Variants in KIAA1217 observed in about 807,000 individuals in gnomAD.
KIAA1217 encodes the protein KIAA1217.
A neutral mutation model predicts 163.9 loss-of-function variants in KIAA1217; 88 were observed. The ratio of observed to expected loss-of-function variants is 0.54; its 90% CI spans 0.45 to 0.64. The LOEUF is 0.64. Ranked by LOEUF, KIAA1217 falls within the 30% of genes least tolerant of loss-of-function variation. The pLI, the probability that KIAA1217 is intolerant of heterozygous loss-of-function variation, is 0.00. For missense variants in KIAA1217, 2,372 were observed against 2,475.0 expected (o/e 0.96, Z 0.88); for synonymous variants, 903 against 923.1 (o/e 0.98, Z 0.39).
chr10:24,206,869 G>C (rs1271223402), upstream of KIAA1217, among the ~76,000 whole-genome samples: 5 of 152,142 alleles, frequency 3.3e-5, no homozygotes, highest in Non-Finnish European at 4.4e-5. Flanking sequence ...GCTGACCAAG[G>C]GGGTTCCTTG....
intron 2 of KIAA1217, among the ~76,000 whole-genome samples, chr10:24,313,986 C>T (rs1178056056): frequency 6.6e-6 from 1 of 151,704 alleles, no homozygotes; most frequent in Non-Finnish European, 1.5e-5. Flanking sequence ...ATTACCAGTG[C>T]CCACCACCGC....
chr10:23,722,805 C>T (rs560846576), intron 1 of KIAA1217, among the ~76,000 whole-genome samples: 4 of 152,164 alleles, frequency 2.6e-5, no homozygotes, highest in Non-Finnish European at 5.9e-5. Context: ...CTTTGGACTG[C>T]ATGTAACAGA....
intron 1 of KIAA1217, among the ~76,000 whole-genome samples, chr10:23,958,024 G>A (rs1225678947): frequency 6.6e-6 from 1 of 152,158 alleles, no homozygotes; most frequent in Non-Finnish European, 1.5e-5. Flanking sequence ...AATATTTGCA[G>A]GTAACCTCAC....
chr10:23,982,764 A>C (rs1486607435), intron 1 of KIAA1217, among the ~76,000 whole-genome samples: 1 of 151,930 alleles, frequency 6.6e-6, no homozygotes, highest in Non-Finnish European at 1.5e-5. Context: ...GGGTTTCAGC[A>C]GGTTGGCCAG....
At chr10:23,720,220 T>C (rs989245068) in intron 1 of KIAA1217, among the ~76,000 whole-genome samples, 2 of 152,124 alleles carry the variant, frequency 1.3e-5, no homozygotes, top group Non-Finnish European at 2.9e-5. Flanking sequence ...AAATAAGTGT[T>C]TGCCTCCAGG....
At chr10:24,155,070 A>C (rs1207070541) in intron 2 of KIAA1217, among the ~76,000 whole-genome samples, 1 of 152,228 alleles carries the variant, frequency 6.6e-6, no homozygotes, top group Non-Finnish European at 1.5e-5. Flanking sequence ...CGATGGTTGC[A>C]GATGAGTGTG....
chr10:23,716,286 A>G (rs1837564613), intron 1 of KIAA1217, among the ~76,000 whole-genome samples: 1 of 152,196 alleles, frequency 6.6e-6, no homozygotes, highest in Non-Finnish European at 1.5e-5. Flanking sequence ...TCTGATTTAC[A>G]TATAGGGCTT....
chr10:23,844,706 TC>T, intron 1 of KIAA1217, among the ~76,000 whole-genome samples: 1 of 151,972 alleles, frequency 6.6e-6, no homozygotes, highest in Admixed American at 6.6e-5. Flanking sequence ...TCTTTTCTTT[TC>T]TTTTTTTTTT....
chr10:23,726,703 G>GA (rs1399582630), intron 1 of KIAA1217, among the ~76,000 whole-genome samples: 8 of 151,896 alleles, frequency 5.3e-5, no homozygotes, highest in African/African-American at 1.9e-4. Context: ...AAATTTACAA[G>GA]AAAAAAACAA....
chr10:24,539,198 T>C lies in KIAA1217; in HGVS notation c.3534+2305T>C, dbSNP rs370172343. 5.3e-5 allele frequency among the ~76,000 whole-genome samples: 8 copies of C among 152,152 alleles called. No homozygotes were observed. In the East Asian group the frequency reaches 1.6e-3, roughly 30 times the overall value. On this transcript the variant is annotated intron_variant, in intron 17 of 20. Transcript: ENST00000376454. ...TTCTCAAAGATCCCTCTGGAGACCA[T>C]TATTGTCTCATTGTAGAATTTTTCT...
At position 24,187,527 on chromosome 10, in the gene KIAA1217, T is replaced by G. The variant is rs780271209; in HGVS notation, c.-170-32099T>G. ...AAAGAGAACCAGTACACTTGAAGAT[T>G]CATCATGCAGTCCTGAGGGGGTGGG... On this transcript the variant is annotated intron_variant, in intron 2 of 18. Transcript: ENST00000376462. Among the ~76,000 whole-genome samples the G allele has an allele frequency of 7.8e-4, 119 of 152,324 alleles. 1 individual carries two copies. The highest frequency in any genetic ancestry group is 1.4e-3 in the Non-Finnish European group (93 of 68,034).
At chr10:24,482,185 G>A (rs1412377335) in intron 6 of KIAA1217, 1 of 152,168 alleles carries the variant, frequency 6.6e-6, no homozygotes, top group African/African-American at 2.4e-5. Context: ...CAGCCACAAG[G>A]TCTGTGTGCT....
chr10:24,410,538 A>G (rs1367896802), intron 3 of KIAA1217, among the ~76,000 whole-genome samples: 2 of 152,188 alleles, frequency 1.3e-5, no homozygotes, highest in Admixed American at 6.5e-5. Flanking sequence ...ATACCCATTT[A>G]CAATAACATT....
chr10:24,115,046 A>C (rs1325407694), intron 2 of KIAA1217, among the ~76,000 whole-genome samples: 1 of 152,024 alleles, frequency 6.6e-6, no homozygotes, highest in African/African-American at 2.4e-5. Flanking sequence ...TAAAATCCCC[A>C]CCTCAGCCCA....
At chr10:23,840,243 C>T (rs2131064870) in intron 1 of KIAA1217, among the ~76,000 whole-genome samples, 1 of 152,014 alleles carries the variant, frequency 6.6e-6, no homozygotes, top group East Asian at 1.9e-4. Context: ...GCAACCTCTA[C>T]CTCCCAGGTT....
intron 1 of KIAA1217, among the ~76,000 whole-genome samples, chr10:23,728,917 C>T (rs1443243422): frequency 1.3e-5 from 2 of 152,206 alleles, no homozygotes; most frequent in Non-Finnish European, 2.9e-5. Context: ...CACAGAACAG[C>T]TTCGCTGCCC....
chr10:24,478,051 A>C (rs1023993759), intron 6 of KIAA1217, among the ~76,000 whole-genome samples: 5 of 152,250 alleles, frequency 3.3e-5, no homozygotes, highest in Non-Finnish European at 2.9e-5. Flanking sequence ...GACATTTTAC[A>C]TCGAAGATGT....
intron 1 of KIAA1217, among the ~76,000 whole-genome samples, chr10:23,705,500 G>A (rs1339505855): frequency 1.3e-5 from 2 of 152,208 alleles, no homozygotes; most frequent in East Asian, 3.9e-4. Context: ...CAACATTTGT[G>A]AAAAGTAATC....
intron 2 of KIAA1217, among the ~76,000 whole-genome samples, chr10:24,157,092 G>A (rs907784856): frequency 6.6e-6 from 1 of 152,194 alleles, no homozygotes; most frequent in Non-Finnish European, 1.5e-5. Flanking sequence ...TTACAAAACT[G>A]TTGCCCAAAG....
Sources: gnomAD v4.1 joint callset for allele counts (sites outside exome capture counted in the v4.1 genomes callset) on GRCh38, gnomAD v4.1.1 for gene constraint, MANE v1.5 for transcripts, NCBI Gene and HGNC (gene_info 2026-07-23, HGNC 2026-07-21) for gene names.